Variants in QTMAN observed in about 807,000 individuals in gnomAD.
QTMAN encodes queuosine-tRNA mannosyltransferase, also known as tRNA-queuosine alpha-mannosyltransferase.
At chr2:143,982,692 C>T in the QTMAN span, among the ~76,000 whole-genome samples, 3 of 151,328 alleles carry the variant, frequency 2.0e-5, no homozygotes, top group African/African-American at 7.3e-5. Flanking sequence ...GAAACGCCCT[C>T]ACCTCTAAAA....
the QTMAN span, among the ~76,000 whole-genome samples, chr2:144,259,778 T>C: frequency 3.9e-5 from 6 of 152,290 alleles, no homozygotes; most frequent in African/African-American, 1.4e-4. Flanking sequence ...AAAACAAAAA[T>C]AAAGTGGTAT....
the QTMAN span, among the ~76,000 whole-genome samples, chr2:144,332,242 G>C: frequency 2.4e-4 from 36 of 151,518 alleles, no homozygotes; most frequent in Non-Finnish European, 3.7e-4. Context: ...CGTGCGCCCG[G>C]GAAGCGCGCG....
chr2:144,284,756 G>GAC, the QTMAN span, among the ~76,000 whole-genome samples: 1 of 152,082 alleles, frequency 6.6e-6, no homozygotes, highest in East Asian at 1.9e-4. Context: ...TTAAGGGCCA[G>GAC]ACACAGTGGT....
the QTMAN span, among the ~76,000 whole-genome samples, chr2:144,082,358 T>G: frequency 1.3e-5 from 2 of 152,192 alleles, no homozygotes; most frequent in African/African-American, 4.8e-5. Flanking sequence ...AAAAGCCTGA[T>G]GTCATTCAAA....
At chr2:144,253,635 C>T in the QTMAN span, among the ~76,000 whole-genome samples, 1 of 152,034 alleles carries the variant, frequency 6.6e-6, no homozygotes, top group South Asian at 2.1e-4. Context: ...CCCTAGACAT[C>T]TGTGAGACTT....
the QTMAN span, among the ~76,000 whole-genome samples, chr2:144,128,516 A>G: frequency 6.6e-6 from 1 of 152,042 alleles, no homozygotes; most frequent in African/African-American, 2.4e-5. Flanking sequence ...AAATGGATCT[A>G]TTTTGTCAAT....
chr2:144,324,541 A>G, the QTMAN span, among the ~76,000 whole-genome samples: 1 of 152,192 alleles, frequency 6.6e-6, no homozygotes, highest in Non-Finnish European at 1.5e-5. Context: ...CAGAGTCAAA[A>G]TCAATCTGGA....
At chr2:144,070,161 T>A in the QTMAN span, among the ~76,000 whole-genome samples, 1 of 152,110 alleles carries the variant, frequency 6.6e-6, no homozygotes, top group South Asian at 2.1e-4. Context: ...AGAACAAAGA[T>A]CCTAATAAAT....
chr2:144,218,915 TAAAAAAAAA>T, the QTMAN span, among the ~76,000 whole-genome samples: 10 of 54,632 alleles, frequency 1.8e-4, no homozygotes, highest in South Asian at 5.7e-4. Context: ...GGAAAGTATC[TAAAAAAAAA>T]AAAAAAAAAA....
the QTMAN span, among the ~76,000 whole-genome samples, chr2:144,249,944 A>C: frequency 2.0e-5 from 3 of 152,160 alleles, no homozygotes; most frequent in African/African-American, 7.2e-5. Context: ...AGAAAATGTA[A>C]ACCAATCTAA....
the QTMAN span, among the ~76,000 whole-genome samples, chr2:143,961,584 A>AT: frequency 6.6e-6 from 1 of 152,228 alleles, no homozygotes; most frequent in East Asian, 1.9e-4. Flanking sequence ...ATGACAGAGC[A>AT]TTTTCCCTCA....
chr2:144,304,923 A>G, the QTMAN span, among the ~76,000 whole-genome samples: 1 of 152,204 alleles, frequency 6.6e-6, no homozygotes, highest in South Asian at 2.1e-4. Context: ...GAAAATTTCT[A>G]TTCAGATACT....
At chr2:144,188,187 A>C in the QTMAN span, among the ~76,000 whole-genome samples, 1 of 152,360 alleles carries the variant, frequency 6.6e-6, no homozygotes, top group East Asian at 1.9e-4. Flanking sequence ...AAATCAGTGC[A>C]AGAAGAGATA....
At chr2:144,227,007 A>G in the QTMAN span, among the ~76,000 whole-genome samples, 1 of 152,244 alleles carries the variant, frequency 6.6e-6, no homozygotes, top group East Asian at 1.9e-4. Context: ...GAAATTCTAT[A>G]GTACATAATT....
the QTMAN span, among the ~76,000 whole-genome samples, chr2:143,979,632 C>T: frequency 2.0e-5 from 3 of 152,134 alleles, no homozygotes; most frequent in Non-Finnish European, 2.9e-5. Context: ...ACAATACCTT[C>T]CTCATTTTAT....
chr2:144,167,111 C>T, the QTMAN span, among the ~76,000 whole-genome samples: 4 of 152,158 alleles, frequency 2.6e-5, no homozygotes, highest in Non-Finnish European at 5.9e-5. Flanking sequence ...TCAGTATGCT[C>T]TCATTCCCTT....
the QTMAN span, among the ~76,000 whole-genome samples, chr2:144,001,696 C>T: frequency 6.6e-6 from 1 of 151,756 alleles, no homozygotes; most frequent in African/African-American, 2.4e-5. Context: ...AGCAGAATTT[C>T]TTATATCATA....
At chr2:144,149,061 G>A in the QTMAN span, among the ~76,000 whole-genome samples, 3 of 151,804 alleles carry the variant, frequency 2.0e-5, no homozygotes, top group Admixed American at 6.6e-5. Context: ...TGATCCATAG[G>A]CAATTTTTAC....
chr2:144,294,028 G>A, the QTMAN span, among the ~76,000 whole-genome samples: 1 of 152,060 alleles, frequency 6.6e-6, no homozygotes, highest in African/African-American at 2.4e-5. Flanking sequence ...TCTGAACTTT[G>A]GCTTACCTTG....
Sources: allele counts gnomAD v4.1 joint callset (sites outside exome capture counted in the v4.1 genomes callset), GRCh38; gene constraint gnomAD v4.1.1; transcripts MANE v1.5; gene names NCBI Gene and HGNC (gene_info 2026-07-23, HGNC 2026-07-21).